Variants in PAM16 observed in about 807,000 individuals in gnomAD.
The protein encoded by PAM16 is mitochondrial import inner membrane translocase subunit TIM16.
In PAM16, 11 loss-of-function variants were observed where a neutral mutation model predicts 17.9. The observed-to-expected ratio is 0.62, with a 90% confidence interval of 0.39 to 1.02. The LOEUF is 1.02. PAM16 is among the 50% of genes least tolerant of loss of function. The probability of loss-of-function intolerance (pLI) is 0.01; values close to 1 mark genes in which losing one functional copy is unlikely to be tolerated. For missense variants in PAM16, 199 were observed against 165.4 expected (o/e 1.20, Z -1.11); for synonymous variants, 72 against 67.4 (o/e 1.07, Z -0.34).
intron 1 of PAM16, chr16:4,345,971 G>GCAAT: frequency 2.0e-6 from 2 of 985,334 alleles, no homozygotes; most frequent in South Asian, 9.4e-5. Flanking sequence ...GTACAGCCTT[G>GCAAT]CAATCACTTG....
intron 1 of PAM16, among the ~76,000 whole-genome samples, chr16:4,344,773 A>T (rs1267612071): frequency 2.3e-5 from 1 of 43,238 alleles, no homozygotes; most frequent in Non-Finnish European, 4.1e-5. Flanking sequence ...CCGTGAGAGG[A>T]GGGGGTTCTG....
chr16:4,344,326 TTCC>T lies in PAM16; in HGVS notation c.4-1038_4-1036del, dbSNP rs1567230983. Among the ~76,000 whole-genome samples the T allele has an allele frequency of 4.5e-3, 16 of 3,562 alleles. 2 individuals carry two copies. The highest frequency in any genetic ancestry group is 0.018 in the African/African-American group (8 of 434). 2.3% of individuals were successfully genotyped at this position (3,562 alleles called of 152,430 possible). On this transcript the variant is annotated intron_variant, in intron 1 of 4. Transcript: ENST00000318059. ...GAGGGGGTTCTGTGAGAGGAGGGGG[TTCC>T]GTGAGAGGAGGGGGTTCTGTGTGAG... is the stretch of plus-strand genomic sequence containing the variant.
At chr16:4,350,147 C>CCCTGTCG (rs1486304591) in intron 1 of PAM16, among the ~76,000 whole-genome samples, 2 of 151,654 alleles carry the variant, frequency 1.3e-5, no homozygotes, top group Admixed American at 1.3e-4. Flanking sequence ...GAGAGTTTTG[C>CCCTGTCG]CCTGTCGCCC....
In PAM16 at chr16:4,351,272, C is replaced by A; in HGVS notation, c.-38G>T. On this transcript the variant is annotated 5_prime_UTR_variant, in exon 1 of 5. Coordinates refer to ENST00000318059, the MANE Select transcript of PAM16 (RefSeq NM_016069.11). Reference sequence around the variant, plus strand: ...GCCTCCGGGGCTCAAACTCCGACTTCCTGGCCCCGCGGCCGGGGATCAAGC... The same window carrying A: ...GCCTCCGGGGCTCAAACTCCGACTTACTGGCCCCGCGGCCGGGGATCAAGC... 1 of 1,454,810 alleles carries A rather than the reference C, an allele frequency of 6.9e-7. No homozygotes were observed. Among genetic ancestry groups the A allele is most frequent in the Non-Finnish European group, 9.1e-7 (1 of 1,094,978 alleles). 90.1% of individuals were successfully genotyped at this position (1,454,810 alleles called of 1,614,324 possible). A position where few individuals can be genotyped will look rare whatever the true frequency, so the allele number is the denominator to read the frequency against.
chr16:4,343,479 T>C (rs913153868), intron 1 of PAM16, 188 bp from the exon 2 acceptor site: 4 of 1,430,424 alleles, frequency 2.8e-6, no homozygotes, highest in African/African-American at 1.4e-5. Context: ...GCTTAGTTAC[T>C]CACTGGACAG....
chr16:4,340,769 C>T (rs2053631592), intron 4 of PAM16, 151 bp downstream of exon 4: 2 of 1,010,498 alleles, frequency 2.0e-6, no homozygotes, highest in Non-Finnish European at 3.1e-6. Context: ...TTCAGGGGGC[C>T]TCCCTGAGGC....
intron 1 of PAM16, chr16:4,347,165 C>T (rs780182457): frequency 6.6e-6 from 1 of 152,204 alleles, no homozygotes; most frequent in Non-Finnish European, 1.5e-5. Context: ...TACTCAGCCT[C>T]CGAGGACCTG....
At chr16:4,343,963 C>T (rs763531467) in intron 1 of PAM16, 39 of 398,190 alleles carry the variant, frequency 9.8e-5, no homozygotes, top group Non-Finnish European at 1.7e-4. Flanking sequence ...AGAGTCTACT[C>T]TGCTCAGCAC....
chr16:4,343,470 CT>C, intron 1 of PAM16, 179 bp from the exon 2 acceptor site: 1 of 1,431,942 alleles, frequency 7.0e-7, no homozygotes. Flanking sequence ...TGGTGGGTGG[CT>C]TAGTTACTCA....
intron 2 of PAM16, 148 bp downstream of exon 2, chr16:4,343,059 G>A (rs1474580345): frequency 5.9e-6 from 6 of 1,014,600 alleles, no homozygotes; most frequent in East Asian, 5.3e-5. Flanking sequence ...ACTGAAGAAT[G>A]CCCCGGTCTG....
At chr16:4,346,298 G>A (rs888308600) in intron 1 of PAM16, among the ~76,000 whole-genome samples, 1 of 152,212 alleles carries the variant, frequency 6.6e-6, no homozygotes, top group Non-Finnish European at 1.5e-5. Flanking sequence ...ACATAGACAC[G>A]TTCTCAACTC....
Position 4,340,312 on chromosome 16 carries a change from C to G in PAM16, c.*7G>C, listed in dbSNP as rs781348479. ...AGGCGGCGGGGTGGGCGGGGGGAGC[C>G]GAGCAGTCACGTATGGGGCATCTGC... On this transcript the variant is annotated 3_prime_UTR_variant, in exon 5 of 5. Transcript: ENST00000318059. 6.2e-7 allele frequency: 1 copy of G among 1,608,226 alleles called. No homozygotes were observed. Among genetic ancestry groups the G allele is most frequent in the Non-Finnish European group, 8.5e-7 (1 of 1,176,516 alleles).
chr16:4,345,024 CTGGGA>C (rs2053732944), intron 1 of PAM16, among the ~76,000 whole-genome samples: 1 of 151,962 alleles, frequency 6.6e-6, no homozygotes, highest in Non-Finnish European at 1.5e-5. Flanking sequence ...CTGGGAAAGA[CTGGGA>C]ATCTGGCGGA....
At chr16:4,342,970 A>C (rs1390921057) in intron 2 of PAM16, among the ~76,000 whole-genome samples, 1 of 152,180 alleles carries the variant, frequency 6.6e-6, no homozygotes, top group Non-Finnish European at 1.5e-5. Context: ...AAAAAAGAAA[A>C]AACAAGTTTA....
chr16:4,342,666 G>C lies in PAM16; in HGVS notation c.88+541C>G, dbSNP rs564812123. On this transcript the variant is annotated intron_variant, in intron 2 of 4. Coordinates refer to ENST00000318059, the MANE Select transcript of PAM16 (RefSeq NM_016069.11). ...CGAAAACTCCGTCTCAAAAAAAAAA[G>C]ATTTATTTACAAAACCAGGGCCGGG... Among the ~76,000 whole-genome samples, 9 of 149,296 alleles carry C rather than the reference G, an allele frequency of 6.0e-5. No homozygotes were observed. The South Asian group carries it at 2.0e-3, about 33-fold the overall frequency.
intron 1 of PAM16, chr16:4,344,211 G>C (rs1283389111): frequency 1.7e-5 from 6 of 355,702 alleles, no homozygotes; most frequent in African/African-American, 7.6e-5. Flanking sequence ...TGTGAGAGGA[G>C]GGCGTTCCGT....
intron 4 of PAM16, 131 bp downstream of exon 4, chr16:4,340,789 A>G: frequency 1.7e-6 from 2 of 1,209,762 alleles, no homozygotes; most frequent in Non-Finnish European, 2.4e-6. Flanking sequence ...CTGGGGCACC[A>G]TGGGAAAGCC....
intron 1 of PAM16, among the ~76,000 whole-genome samples, chr16:4,349,515 A>C (rs2053813536): frequency 6.6e-6 from 1 of 152,152 alleles, no homozygotes; most frequent in African/African-American, 2.4e-5. Context: ...AAGCCCCAGG[A>C]GGTTGAGGCT....
At position 4,341,624 on chromosome 16, in the gene PAM16, T is replaced by C. The variant is rs1278582157; in HGVS notation, c.89-120A>G. On this transcript the variant is annotated intron_variant, in intron 2 of 4. Transcript: ENST00000318059. ...GATGAGAGACACAGGGACAGGTGGC[T>C]AGGAGCTGCCTCTTCTCCAGGAGTG... The C allele has an allele frequency of 3.5e-6, 5 of 1,445,584 alleles. No homozygotes were observed. In the African/African-American group the frequency reaches 5.7e-5, roughly 16 times the overall value. The allele number at this position is 1,445,584 out of a possible 1,614,324, so 89.5% of individuals were successfully genotyped here.
Sources: allele counts gnomAD v4.1 joint callset (sites outside exome capture counted in the v4.1 genomes callset), GRCh38; gene constraint gnomAD v4.1.1; transcripts MANE v1.5; gene names NCBI Gene and HGNC (gene_info 2026-07-23, HGNC 2026-07-21).